TEDC1: variants seen among roughly 807,000 people sequenced by gnomAD.
TEDC1 encodes the protein tubulin epsilon and delta complex 1, also known as tubulin epsilon and delta complex protein 1.
In TEDC1, 54 loss-of-function variants were observed where a neutral mutation model predicts 59.9. The observed-to-expected ratio is 0.90, with a 90% CI of 0.72 to 1.13. The LOEUF (loss-of-function observed/expected upper bound fraction) is 1.13, where lower values mean the gene tolerates loss of function less well. Among genes scored for constraint, TEDC1 ranks in the 50% most tolerant of loss-of-function variants. The pLI is 0.00. For missense variants in TEDC1, 734 were observed against 683.4 expected (o/e 1.07, Z -0.83); for synonymous variants, 353 against 298.1 (o/e 1.18, Z -1.90).
At chr14:105,491,057 G>C (rs1186074381), upstream of TEDC1, 3 of 1,551,254 alleles carry the variant, frequency 1.9e-6, no homozygotes, top group Non-Finnish European at 2.6e-6. Flanking sequence ...CCGTTCATTG[G>C]GCTTGGACAC....
Position 105,494,160 on chromosome 14 carries a change from G to A in TEDC1, c.684+227G>A, listed in dbSNP as rs914314499. 44 of 580,418 alleles carry A rather than the reference G, an allele frequency of 7.6e-5. 1 individual carries two copies. The highest frequency in any genetic ancestry group is 4.7e-4 in the Middle Eastern group (1 of 2,148). The allele number at this position is 580,418 out of a possible 1,614,324, so 36.0% of individuals were successfully genotyped here. On this transcript the variant is annotated intron_variant, in intron 5 of 8. Coordinates refer to ENST00000392523, the MANE Select transcript of TEDC1 (RefSeq NM_001367178.1). ...ACCCTTCCCTTCCACAAATCAAGAC[G>A]TGGCACGGGTGGGGGCCCAGGACGC...
intron 8 of TEDC1, 53 bp from the exon 9 acceptor site, chr14:105,498,564 C>T: frequency 6.8e-7 from 1 of 1,470,066 alleles, no homozygotes; most frequent in Non-Finnish European, 9.1e-7. Context: ...GCTCAGGGAG[C>T]CTGAGGCCAG....
intron 6 of TEDC1, 119 bp downstream of exon 6, chr14:105,496,205 C>T (rs1267040878): frequency 1.7e-5 from 17 of 987,342 alleles, no homozygotes; most frequent in Non-Finnish European, 8.8e-6. Flanking sequence ...CTGGCCCTTA[C>T]CTTCTTGGGA....
intron 6 of TEDC1, 88 bp downstream of exon 6, chr14:105,496,174 C>G: frequency 8.5e-7 from 1 of 1,180,602 alleles, no homozygotes; most frequent in Non-Finnish European, 1.2e-6. Context: ...TTTGCTCCTC[C>G]TCTCCTGCCT....
chr14:105,491,808 C>T (rs1478304735), intron 2 of TEDC1, 108 bp downstream of exon 2: 1 of 1,267,470 alleles, frequency 7.9e-7, no homozygotes, highest in East Asian at 2.5e-5. Context: ...TAGCCCCCAC[C>T]CAACACTGAC....
chr14:105,490,999 A>G (rs587621782), upstream of TEDC1: 17 of 1,543,340 alleles, frequency 1.1e-5, no homozygotes, highest in South Asian at 1.9e-4. Flanking sequence ...GGAGCCCGGA[A>G]GTGGGTCCGC....
At chr14:105,489,970 C>T (rs1244484076), upstream of TEDC1, 2 of 152,402 alleles carry the variant, frequency 1.3e-5, no homozygotes, top group Non-Finnish European at 2.9e-5. Context: ...GCTCCCGCCG[C>T]CCTGTAGCTC....
In TEDC1 at chr14:105,491,324, G is replaced by A. The variant is rs587657980; in HGVS notation, c.-52G>A. ...CGGCCCGTGCGGTGATTGGACGCAGGCCCCGGGCCGCGGCGGAGGCGGGCG... is the reference window on the plus strand; with the variant it reads ...CGGCCCGTGCGGTGATTGGACGCAGACCCCGGGCCGCGGCGGAGGCGGGCG... On this transcript the variant is annotated 5_prime_UTR_variant, in exon 1 of 9. Transcript: ENST00000392523. 1.4e-4 allele frequency: 205 copies of A among 1,469,466 alleles called. No individual in the cohort carries two copies. Among genetic ancestry groups the A allele is most frequent in the Admixed American group, 8.6e-4 (36 of 41,898 alleles). The allele number at this position is 1,469,466 out of a possible 1,614,324, so 91.0% of individuals were successfully genotyped here.
chr14:105,495,897 T>C lies in TEDC1; in HGVS notation c.702T>C (p.Ala234=), dbSNP rs7494350. ...CTTCCAAGGTTTCTGGAGCGGGAGC[T>C]GCCCAAAACCTGGACCTGGCCTACC... ...EGGQQVSGAG[A]AQNLDLAYPK... The change falls in exon 6 of 9, where the codon GCT becomes GCC. Residue 234 remains alanine (A), a synonymous_variant. Transcript: ENST00000392523. 1,521,756 of 1,549,876 alleles carry C rather than the reference T, an allele frequency of 0.98. 749,572 individuals are homozygous for C. Among genetic ancestry groups the C allele is most frequent in the East Asian group, 1 (40,887 of 40,900 alleles).
chr14:105,491,324 G>T lies in TEDC1; in HGVS notation c.-52G>T. ...CGGCCCGTGCGGTGATTGGACGCAG[G>T]CCCCGGGCCGCGGCGGAGGCGGGCG... On this transcript the variant is annotated 5_prime_UTR_variant, in exon 1 of 9. Coordinates refer to ENST00000392523, the MANE Select transcript of TEDC1 (RefSeq NM_001367178.1). The T allele has an allele frequency of 6.8e-7, 1 of 1,469,466 alleles. No individual in the cohort carries two copies. Among genetic ancestry groups the T allele is most frequent in the Non-Finnish European group, 9.0e-7 (1 of 1,114,792 alleles). The allele number at this position is 1,469,466 out of a possible 1,614,324, so 91.0% of individuals were successfully genotyped here.
At position 105,491,273 on chromosome 14, in the gene TEDC1, G is replaced by T; in HGVS notation, c.-103G>T. 2.0e-6 allele frequency: 3 copies of T among 1,522,368 alleles called. No individual in the cohort carries two copies. The highest frequency in any genetic ancestry group is 2.6e-6 in the Non-Finnish European group (3 of 1,137,940). The allele number at this position is 1,522,368 out of a possible 1,614,324, so 94.3% of individuals were successfully genotyped here. A position where few individuals can be genotyped will look rare whatever the true frequency, so the allele number is the denominator to read the frequency against. ...GTTCCAGCCGGAGCGGTAACTGGGC[G>T]CAGGTCCCAGCCGCCGCACTAAACC... On this transcript the variant is annotated 5_prime_UTR_variant, in exon 1 of 9. Transcript: ENST00000392523.
At chr14:105,497,638 C>T (rs1291401991) in intron 7 of TEDC1, 160 bp from the exon 8 acceptor site, 9 of 1,135,170 alleles carry the variant, frequency 7.9e-6, no homozygotes, top group Non-Finnish European at 1.1e-5. Context: ...AGCTCCATGG[C>T]CTTCTAGAGT....
At position 105,497,455 on chromosome 14, in the gene TEDC1, C is replaced by T. The variant is rs587685890; in HGVS notation, c.978+12C>T. The stretch of plus-strand genomic sequence containing the variant: ...TCTGGCGGTGGATGGTGAGGAAGCC[C>T]GCGCATCCCTCTCCCGGCATCCCTT... On this transcript the variant is annotated intron_variant, in intron 7 of 8. Transcript: ENST00000392523. 128 of 1,542,902 alleles carry T rather than the reference C, an allele frequency of 8.3e-5. No homozygotes were observed. Among genetic ancestry groups the T allele is most frequent in the South Asian group, 1.5e-4 (13 of 84,070 alleles).
intron 2 of TEDC1, among the ~76,000 whole-genome samples, 164 bp downstream of exon 2, chr14:105,491,864 C>CCTGATGGG (rs1162978363): frequency 4.6e-5 from 7 of 152,208 alleles, no homozygotes; most frequent in Non-Finnish European, 8.8e-5. Context: ...AGCCACGCCC[C>CCTGATGGG]CTGATGGGCC....
Position 105,494,022 on chromosome 14 carries a change from G to A in TEDC1, c.684+89G>A, listed in dbSNP as rs1203466014. On this transcript the variant is annotated intron_variant, in intron 5 of 8. Transcript: ENST00000392523. ...CCCAGGGTGGGAGGGGCCTGGGGGC[G>A]GGGCAGCTCTTGGGCCTCCAGCGGT... 1.4e-4 allele frequency: 124 copies of A among 874,112 alleles called. 1 individual carries two copies. The highest frequency in any genetic ancestry group is 4.1e-4 in the East Asian group (15 of 36,560). 54.1% of individuals were successfully genotyped at this position (874,112 alleles called of 1,614,324 possible).
rs1436967105 is a variant in TEDC1, at chr14:105,499,189, C to T, written c.*243C>T. On this transcript the variant is annotated 3_prime_UTR_variant, in exon 9 of 9. Coordinates refer to ENST00000392523, the MANE Select transcript of TEDC1 (RefSeq NM_001367178.1). ...GTCGTGACAGGCTCAGCCTGGTGGT[C>T]TGGAGGGGACTCGGAAATAAATTGT... is the stretch of plus-strand genomic sequence containing the variant. 2 of 570,908 alleles carry T rather than the reference C, an allele frequency of 3.5e-6. No homozygotes were observed. The highest frequency in any genetic ancestry group is 1.9e-5 in the African/African-American group (1 of 53,348). The allele number at this position is 570,908 out of a possible 1,614,324, so 35.4% of individuals were successfully genotyped here. A position where few individuals can be genotyped will look rare whatever the true frequency, so the allele number is the denominator to read the frequency against.
At chr14:105,497,480 TCC>T (rs1555440684) in intron 7 of TEDC1, 37 bp downstream of exon 7, 1 of 1,534,998 alleles carries the variant, frequency 6.5e-7, no homozygotes, top group South Asian at 1.2e-5. Context: ...CGGCATCCCT[TCC>T]CACAGCAGCC....
At position 105,491,636 on chromosome 14, in the gene TEDC1, G is replaced by A; in HGVS notation, c.162G>A (p.Trp54Ter). The A allele has an allele frequency of 1.3e-6, 2 of 1,549,692 alleles. No homozygotes were observed. Among genetic ancestry groups the A allele is most frequent in the African/African-American group, 2.7e-5 (2 of 73,154 alleles). Residue 54 changes from tryptophan to a stop codon, truncating the protein, a stop_gained, in exon 2 of 9, where the codon TGG (tryptophan) becomes TGA (stop). Transcript: ENST00000392523. LOFTEE classifies it high-confidence loss of function. ...FDRPEATSAL[W>*]QLLFRVLSPL... Reference sequence around the variant, plus strand: ...ATTTTCCGCAGACCTCCGCGCTCTGGCAGCTCCTCTTCCGTGTGCTCTCGC... The same window carrying A: ...ATTTTCCGCAGACCTCCGCGCTCTGACAGCTCCTCTTCCGTGTGCTCTCGC...
chr14:105,496,552 T>G (rs1488457789), intron 6 of TEDC1: 3 of 190,706 alleles, frequency 1.6e-5, no homozygotes, highest in South Asian at 1.0e-4. Context: ...GGGGCAGGAT[T>G]CAGGTGTAGA....
Sources: allele counts gnomAD v4.1 joint callset (sites outside exome capture counted in the v4.1 genomes callset), GRCh38; gene constraint gnomAD v4.1.1; transcripts MANE v1.5; gene names NCBI Gene and HGNC (gene_info 2026-07-23, HGNC 2026-07-21).